SPMIP2: variants seen among roughly 807,000 people sequenced by gnomAD.
SPMIP2 encodes the protein protein SPMIP2.
At chr4:158,954,282 T>C in the SPMIP2 span, among the ~76,000 whole-genome samples, 2 of 152,190 alleles carry the variant, frequency 1.3e-5, no homozygotes, top group South Asian at 4.1e-4. Flanking sequence ...TCTTACAAGA[T>C]CTGATGGTTT....
the SPMIP2 span, among the ~76,000 whole-genome samples, chr4:158,921,470 A>G: frequency 6.6e-6 from 1 of 152,044 alleles, no homozygotes; most frequent in Admixed American, 6.5e-5. Flanking sequence ...GAAAAAGAAA[A>G]AGAAAAAAAG....
chr4:158,960,206 A>T, the SPMIP2 span: 3 of 864,884 alleles, frequency 3.5e-6, no homozygotes, highest in Non-Finnish European at 5.5e-6. Flanking sequence ...AATATACTTA[A>T]AAGTTTACAA....
At chr4:158,984,155 G>C in the SPMIP2 span, among the ~76,000 whole-genome samples, 1 of 99,366 alleles carries the variant, frequency 1.0e-5, no homozygotes, top group East Asian at 3.1e-4. Context: ...CAAGTCCTGA[G>C]TGACCTACAA....
the SPMIP2 span, among the ~76,000 whole-genome samples, chr4:158,994,597 A>C: frequency 6.6e-6 from 1 of 152,222 alleles, no homozygotes; most frequent in East Asian, 1.9e-4. Flanking sequence ...AAAAGGAATC[A>C]AGTAGACCTT....
the SPMIP2 span, chr4:158,973,460 CTTA>C: frequency 8.9e-5 from 36 of 405,622 alleles, no homozygotes; most frequent in Non-Finnish European, 1.0e-4. Context: ...CATGTTAATT[CTTA>C]TTAATACTTA....
chr4:159,069,076 G>T, the SPMIP2 span, among the ~76,000 whole-genome samples: 2 of 152,170 alleles, frequency 1.3e-5, no homozygotes, highest in Non-Finnish European at 2.9e-5. Flanking sequence ...GCTGAGGTGG[G>T]TGGATCACCT....
the SPMIP2 span, among the ~76,000 whole-genome samples, chr4:158,934,491 T>C: frequency 6.6e-6 from 1 of 151,996 alleles, no homozygotes; most frequent in Non-Finnish European, 1.5e-5. Context: ...ATAGGAACAA[T>C]AATGTAATAC....
chr4:159,043,593 C>T, the SPMIP2 span, among the ~76,000 whole-genome samples: 112 of 152,220 alleles, frequency 7.4e-4, no homozygotes, highest in Non-Finnish European at 1.3e-3. Flanking sequence ...ATGATCCGCC[C>T]GCCTCGGCCT....
At chr4:159,020,806 G>C in the SPMIP2 span, among the ~76,000 whole-genome samples, 1 of 152,138 alleles carries the variant, frequency 6.6e-6, no homozygotes, top group Non-Finnish European at 1.5e-5. Flanking sequence ...CTGTTGCCCA[G>C]GCTGGAGTGC....
At chr4:159,016,122 C>A in the SPMIP2 span, among the ~76,000 whole-genome samples, 97,269 of 152,068 alleles carry the variant, frequency 0.64, 31,401 homozygotes, top group Middle Eastern at 0.7. Flanking sequence ...TAAAAAATAC[C>A]AGTATACAAT....
the SPMIP2 span, among the ~76,000 whole-genome samples, chr4:159,005,099 C>T: frequency 2.0e-5 from 3 of 150,028 alleles, no homozygotes; most frequent in Admixed American, 6.7e-5. Context: ...GGCATGGTAG[C>T]GCAAGCCTGT....
At chr4:158,980,771 T>G in the SPMIP2 span, among the ~76,000 whole-genome samples, 1 of 152,154 alleles carries the variant, frequency 6.6e-6, no homozygotes, top group African/African-American at 2.4e-5. Context: ...GCAAAAAGAC[T>G]GAAAATTCCA....
the SPMIP2 span, among the ~76,000 whole-genome samples, chr4:158,984,731 G>C: frequency 6.6e-6 from 1 of 151,984 alleles, no homozygotes; most frequent in African/African-American, 2.4e-5. Context: ...AACTAGAAAA[G>C]AAAGAGCAAA....
the SPMIP2 span, among the ~76,000 whole-genome samples, chr4:159,003,915 C>A: frequency 0.98 from 148,539 of 152,332 alleles, 72,510 homozygotes; most frequent in East Asian, 1. Flanking sequence ...ATTCTAACCT[C>A]GACCAGATAA....
the SPMIP2 span, among the ~76,000 whole-genome samples, chr4:158,926,953 C>T: frequency 6.6e-6 from 1 of 152,160 alleles, no homozygotes; most frequent in South Asian, 2.1e-4. Flanking sequence ...CACAATTACA[C>T]AGTATACCCA....
chr4:158,983,078 G>C, the SPMIP2 span, among the ~76,000 whole-genome samples: 1 of 152,148 alleles, frequency 6.6e-6, no homozygotes, highest in African/African-American at 2.4e-5. Flanking sequence ...AAGATGAAAT[G>C]AATGAAATGA....
chr4:158,953,750 C>G, the SPMIP2 span, among the ~76,000 whole-genome samples: 1 of 152,236 alleles, frequency 6.6e-6, no homozygotes, highest in Non-Finnish European at 1.5e-5. Context: ...GGGAACCTAC[C>G]TCCTACATCA....
chr4:158,976,496 G>C, the SPMIP2 span, among the ~76,000 whole-genome samples: 1 of 152,018 alleles, frequency 6.6e-6, no homozygotes, highest in Admixed American at 6.6e-5. Flanking sequence ...TTAGCATGAA[G>C]GGGGGTTGAA....
chr4:158,914,430 T>TC, the SPMIP2 span, among the ~76,000 whole-genome samples: 1 of 152,218 alleles, frequency 6.6e-6, no homozygotes, highest in Admixed American at 6.5e-5. Context: ...GGCAAGATTC[T>TC]CCAAAAGAGC....
Sources: gnomAD v4.1 joint callset for allele counts (sites outside exome capture counted in the v4.1 genomes callset) on GRCh38, gnomAD v4.1.1 for gene constraint, MANE v1.5 for transcripts, NCBI Gene and HGNC (gene_info 2026-07-23, HGNC 2026-07-21) for gene names.